The following PCDH15 variants were observed in gnomAD, a reference collection of about 807,000 sequenced individuals.
PCDH15 encodes protocadherin related 15.
In PCDH15, 129 loss-of-function variants were observed where a neutral mutation model predicts 178.5. The ratio of observed to expected loss-of-function variants is 0.72; its 90% CI spans 0.63 to 0.84. PCDH15 has a LOEUF of 0.84. Ranked by LOEUF, PCDH15 falls within the 40% of genes least tolerant of loss-of-function variation. PCDH15 has a pLI of 0.00. For synonymous variants in PCDH15, 800 were observed against 732.0 expected (o/e 1.09, Z -1.50); for missense variants, 2,230 against 2,099.9 (o/e 1.06, Z -1.21).
chr10:54,550,488 CTG>C (rs71010384), intron 2 of PCDH15, among the ~76,000 whole-genome samples: 33,955 of 150,718 alleles, frequency 0.23, 4,632 homozygotes, highest in African/African-American at 0.39. Flanking sequence ...GTGTATGTGT[CTG>C]TGTGTGTGTG....
intron 2 of PCDH15, among the ~76,000 whole-genome samples, chr10:55,541,974 CAGA>C (rs1841768951): frequency 6.6e-6 from 1 of 151,576 alleles, no homozygotes; most frequent in Non-Finnish European, 1.5e-5. Flanking sequence ...ATAAATGAGT[CAGA>C]AGAATACAAT....
At chr10:54,131,136 C>T (rs573480269) in intron 15 of PCDH15, among the ~76,000 whole-genome samples, 2 of 152,236 alleles carry the variant, frequency 1.3e-5, no homozygotes, top group South Asian at 4.1e-4. Flanking sequence ...ATCTTTAACT[C>T]ACAGGTAGAA....
chr10:53,856,814 T>C (rs1373054538), intron 28 of PCDH15, among the ~76,000 whole-genome samples: 1 of 152,104 alleles, frequency 6.6e-6, no homozygotes, highest in Non-Finnish European at 1.5e-5. Context: ...ATCTGAACAT[T>C]GTAATGATTA....
intron 2 of PCDH15, among the ~76,000 whole-genome samples, chr10:55,432,366 C>T (rs886078605): frequency 3.3e-5 from 5 of 152,074 alleles, no homozygotes; most frequent in African/African-American, 1.2e-4. Flanking sequence ...TGATTTTATT[C>T]TGAGTGCTAT....
chr10:53,866,396 A>C (rs936263535), intron 27 of PCDH15, among the ~76,000 whole-genome samples: 3 of 150,822 alleles, frequency 2.0e-5, no homozygotes, highest in African/African-American at 7.3e-5. Flanking sequence ...AAATATTATA[A>C]TGTTTTTCTC....
chr10:55,589,955 A>G (rs2132130382), intron 2 of PCDH15, among the ~76,000 whole-genome samples: 1 of 145,998 alleles, frequency 6.8e-6, no homozygotes, highest in African/African-American at 2.5e-5. Flanking sequence ...CAGCCATCCC[A>G]TTACGGGGTA....
intron 2 of PCDH15, among the ~76,000 whole-genome samples, chr10:54,582,100 C>G (rs910453163): frequency 1.3e-5 from 2 of 151,854 alleles, no homozygotes; most frequent in East Asian, 1.9e-4. Context: ...AGAGTTTGCA[C>G]AGCAATATAA....
chr10:55,127,153 T>G (rs1281512098), intron 2 of PCDH15, among the ~76,000 whole-genome samples: 1 of 152,158 alleles, frequency 6.6e-6, no homozygotes, highest in African/African-American at 2.4e-5. Context: ...AGTGAATCAA[T>G]TGACACAAGA....
intron 27 of PCDH15, among the ~76,000 whole-genome samples, chr10:53,865,865 T>C (rs2079415038): frequency 6.6e-6 from 1 of 152,216 alleles, no homozygotes; most frequent in Non-Finnish European, 1.5e-5. Context: ...TTATTCTTGA[T>C]CTGTTTTTAT....
intron 30 of PCDH15, among the ~76,000 whole-genome samples, chr10:53,829,390 G>A (rs959604055): frequency 3.3e-5 from 5 of 152,120 alleles, no homozygotes; most frequent in African/African-American, 1.2e-4. Context: ...GAGCGCTTCA[G>A]TTTTGATCAT....
At chr10:54,055,710 G>T (rs977904996) in intron 18 of PCDH15, among the ~76,000 whole-genome samples, 1 of 152,024 alleles carries the variant, frequency 6.6e-6, no homozygotes, top group Non-Finnish European at 1.5e-5. Context: ...ATACAGAAAT[G>T]CACTAAAGCA....
At chr10:55,137,718 C>T (rs144642097) in intron 2 of PCDH15, among the ~76,000 whole-genome samples, 53 of 152,134 alleles carry the variant, frequency 3.5e-4, no homozygotes, top group African/African-American at 8.7e-4. Context: ...ATATACCCCT[C>T]GGTCAGGAAC....
At chr10:54,882,217 C>T (rs2131807175) in intron 3 of PCDH15, among the ~76,000 whole-genome samples, 1 of 152,052 alleles carries the variant, frequency 6.6e-6, no homozygotes, top group African/African-American at 2.4e-5. Flanking sequence ...ATCACATTTC[C>T]AGTGTTGTGA....
intron 15 of PCDH15, among the ~76,000 whole-genome samples, chr10:54,096,499 T>C (rs1158022825): frequency 1.3e-5 from 2 of 152,254 alleles, no homozygotes; most frequent in Non-Finnish European, 2.9e-5. Flanking sequence ...CTTAATCCAA[T>C]ATCAAAGTTT....
intron 17 of PCDH15, among the ~76,000 whole-genome samples, chr10:54,068,258 T>G (rs1250402135): frequency 1.3e-5 from 2 of 152,186 alleles, no homozygotes; most frequent in African/African-American, 4.8e-5. Context: ...ATAATTACCA[T>G]GCATAGCAGG....
At chr10:54,162,645 A>C (rs893587637) in intron 13 of PCDH15, among the ~76,000 whole-genome samples, 1 of 152,184 alleles carries the variant, frequency 6.6e-6, no homozygotes, top group African/African-American at 2.4e-5. Context: ...CAGATTTGGC[A>C]GAAATCAAGG....
chr10:54,579,428 C>G (rs1374387334), intron 2 of PCDH15, among the ~76,000 whole-genome samples: 1 of 152,092 alleles, frequency 6.6e-6, no homozygotes, highest in Non-Finnish European at 1.5e-5. Flanking sequence ...TTCAACTCAA[C>G]AAGTAGACTT....
At chr10:55,321,465 A>G (rs1442009184), upstream of PCDH15, among the ~76,000 whole-genome samples, 2 of 152,184 alleles carry the variant, frequency 1.3e-5, no homozygotes, top group East Asian at 3.9e-4. Flanking sequence ...ACCCAACCTC[A>G]CTAGAGAGGC....
chr10:54,159,946 A>T (rs1008864392), intron 13 of PCDH15, among the ~76,000 whole-genome samples: 67 of 152,254 alleles, frequency 4.4e-4, no homozygotes, highest in African/African-American at 1.6e-3. Flanking sequence ...TCAGCATACA[A>T]TTTTTTTCAT....
Sources: allele counts gnomAD v4.1 joint callset (sites outside exome capture counted in the v4.1 genomes callset), GRCh38; gene constraint gnomAD v4.1.1; transcripts MANE v1.5; gene names NCBI Gene and HGNC (gene_info 2026-07-23, HGNC 2026-07-21).